Variants in CAPN5 observed in about 807,000 individuals in gnomAD.
CAPN5 encodes calpain 5.
A neutral mutation model predicts 73.0 loss-of-function variants in CAPN5; 54 were observed. The ratio of observed to expected loss-of-function variants is 0.74; its 90% CI spans 0.59 to 0.93. The LOEUF is 0.93. Among genes scored for constraint, CAPN5 ranks in the 40% least tolerant of loss-of-function variants. The pLI, the probability that CAPN5 is intolerant of heterozygous loss-of-function variation, is 0.00. For synonymous variants in CAPN5, 335 were observed against 356.9 expected (o/e 0.94, Z 0.69); for missense variants, 785 against 882.9 (o/e 0.89, Z 1.41).
In CAPN5 at chr11:77,114,408, G is replaced by A; in HGVS notation, c.673G>A (p.Gly225Ser). 6.2e-7 allele frequency: 1 copy of A among 1,614,188 alleles called. No homozygotes were observed. The highest frequency in any genetic ancestry group is 1.1e-5 in the South Asian group (1 of 91,088). ...FERMLKVHSRGGLISASIKAV... is the reference protein window; with the variant it reads ...FERMLKVHSRSGLISASIKAV... ...GCGCATGTTAAAGGTGCACAGCCGG[G>A]GCGGCCTCATCAGTGCCTCCATCAA... is the stretch of plus-strand genomic sequence containing the variant. The change falls in exon 5 of 13, where the codon GGC becomes AGC. Residue 225 changes from glycine to serine, a missense_variant. Physicochemically the swap from Gly to Ser is moderately conservative, Grantham distance 56 (BLOSUM62 0). Coordinates refer to ENST00000648180, the MANE Select transcript of CAPN5 (RefSeq NM_004055.5).
chr11:77,076,087 C>T (rs908370983), intron 1 of CAPN5, among the ~76,000 whole-genome samples: 6 of 152,142 alleles, frequency 3.9e-5, no homozygotes, highest in African/African-American at 9.7e-5. Context: ...CTCGGCCGGG[C>T]GCAGTAGCTC....
chr11:77,120,651 G>A, intron 9 of CAPN5, 62 bp from the exon 10 acceptor site: 1 of 1,132,012 alleles, frequency 8.8e-7, no homozygotes, highest in Non-Finnish European at 1.3e-6. Context: ...GGGGGAGGCG[G>A]GGTGGGCCAG....
At chr11:77,106,609 C>T (rs782520258) in intron 3 of CAPN5, among the ~76,000 whole-genome samples, 31 of 152,186 alleles carry the variant, frequency 2.0e-4, no homozygotes, top group Admixed American at 3.9e-4. Context: ...GCACCTCTCT[C>T]GAGGCTGTTG....
chr11:77,071,297 T>G lies in CAPN5; in HGVS notation c.-36+4203T>G, dbSNP rs148501269. Among the ~76,000 whole-genome samples, 114 of 152,266 alleles carry G rather than the reference T, an allele frequency of 7.5e-4. 1 individual carries two copies. Among genetic ancestry groups the G allele is most frequent in the African/African-American group, 2.7e-3 (113 of 41,548 alleles). ...CAGCCTGAGCCCCTGGTAGCCAGAGTTCAGGGATGTTTGGAAGAAGGGCAT... is the reference window on the plus strand; with the variant it reads ...CAGCCTGAGCCCCTGGTAGCCAGAGGTCAGGGATGTTTGGAAGAAGGGCAT... On this transcript the variant is annotated intron_variant, in intron 1 of 12. Coordinates refer to ENST00000648180, the MANE Select transcript of CAPN5 (RefSeq NM_004055.5).
intron 1 of CAPN5, among the ~76,000 whole-genome samples, chr11:77,081,074 A>C (rs139320459): frequency 5.3e-5 from 8 of 152,222 alleles, no homozygotes; most frequent in African/African-American, 1.9e-4. Context: ...CCTTCCCTGG[A>C]GATGATGGCC....
intron 1 of CAPN5, among the ~76,000 whole-genome samples, chr11:77,069,985 C>T (rs1330296262): frequency 6.6e-6 from 1 of 152,138 alleles, no homozygotes; most frequent in Non-Finnish European, 1.5e-5. Flanking sequence ...TTTCCCTGCT[C>T]ACCCAAGGCA....
At chr11:77,096,064 C>T (rs1950205891) in intron 3 of CAPN5, among the ~76,000 whole-genome samples, 1 of 152,210 alleles carries the variant, frequency 6.6e-6, no homozygotes, top group African/African-American at 2.4e-5. Context: ...TCCCTGTTGA[C>T]TGGGCTCTGT....
Position 77,120,764 on chromosome 11 carries a change from A to G in CAPN5, c.1342A>G (p.Ser448Gly). 1 of 1,613,966 alleles carries G rather than the reference A, an allele frequency of 6.2e-7. No homozygotes were observed. Among genetic ancestry groups the G allele is most frequent in the Non-Finnish European group, 8.5e-7 (1 of 1,179,958 alleles). ...RMHSLQHKAA[S>G]SIYINSRSVF... is the part of the protein sequence containing the mutation. ...GCACAGCCTGCAGCACAAGGCCGCC[A>G]GCTCCATCTACATCAACTCACGCAG... The change falls in exon 10 of 13, where the codon AGC (serine) becomes GGC (glycine). Residue 448 changes from serine to glycine, a missense_variant. Transcript: ENST00000648180.
At chr11:77,116,015 T>C (rs1480869536) in intron 6 of CAPN5, among the ~76,000 whole-genome samples, 1 of 152,036 alleles carries the variant, frequency 6.6e-6, no homozygotes, top group Non-Finnish European at 1.5e-5. Context: ...CCAGCCCCTG[T>C]CATGGTGGCA....
chr11:77,085,472 A>C (rs1950075914), intron 2 of CAPN5, among the ~76,000 whole-genome samples: 1 of 152,340 alleles, frequency 6.6e-6, no homozygotes, highest in Non-Finnish European at 1.5e-5. Flanking sequence ...TGTGGTAGAA[A>C]TGAAAAGTAT....
intron 5 of CAPN5, among the ~76,000 whole-genome samples, chr11:77,115,028 A>T (rs1950451531): frequency 6.6e-6 from 1 of 151,870 alleles, no homozygotes; most frequent in Admixed American, 6.6e-5. Flanking sequence ...GCGCCATTGC[A>T]CTCCAGCCTG....
chr11:77,092,279 A>G (rs1591123194), intron 2 of CAPN5, among the ~76,000 whole-genome samples: 4 of 152,226 alleles, frequency 2.6e-5, no homozygotes, highest in Non-Finnish European at 4.4e-5. Flanking sequence ...TGTTGTTTCT[A>G]TTATATAAAT....
chr11:77,083,258 G>C (rs1591115401), intron 1 of CAPN5, among the ~76,000 whole-genome samples: 1 of 152,168 alleles, frequency 6.6e-6, no homozygotes, highest in South Asian at 2.1e-4. Flanking sequence ...GCAGGTGGGG[G>C]GACAATGGCC....
chr11:77,067,287 C>T (rs1228223318), intron 1 of CAPN5, among the ~76,000 whole-genome samples, 193 bp downstream of exon 1: 2 of 151,998 alleles, frequency 1.3e-5, no homozygotes, highest in African/African-American at 4.8e-5. Flanking sequence ...GGAGCATCCG[C>T]CTGGGCCCCC....
chr11:77,116,226 C>T lies in CAPN5; in HGVS notation c.894C>T (p.Thr298=), dbSNP rs577452164. ...CTCCTCCCCGGCCCTGACACCCCAG[C>T]TCGGAGGAGTGGCAGAAAGTGAGCA... ...EREWNGPWSD[T]SEEWQKVSKS... The change falls in exon 7 of 13, where the codon ACC becomes ACT. Residue 298 remains threonine (T), a splice_region_variant and synonymous_variant. Coordinates refer to ENST00000648180, the MANE Select transcript of CAPN5 (RefSeq NM_004055.5). The T allele has an allele frequency of 6.2e-7, 1 of 1,611,224 alleles. No homozygotes were observed. Among genetic ancestry groups the T allele is most frequent in the African/African-American group, 1.3e-5 (1 of 75,020 alleles).
chr11:77,114,215 G>A, intron 4 of CAPN5, 27 bp from the exon 5 acceptor site: 2 of 1,607,456 alleles, frequency 1.2e-6, no homozygotes, highest in South Asian at 2.2e-5. Flanking sequence ...AGCATGAGCT[G>A]GGAAGTCTTT....
intron 2 of CAPN5, among the ~76,000 whole-genome samples, chr11:77,086,785 G>A (rs1198427649): frequency 3.9e-5 from 6 of 152,316 alleles, no homozygotes; most frequent in Non-Finnish European, 7.4e-5. Flanking sequence ...TTTTAGGTCC[G>A]TGGCTCCGAA....
chr11:77,122,014 T>C lies in CAPN5; in HGVS notation c.1568T>C (p.Val523Ala). 1 of 1,560,320 alleles carries C rather than the reference T, an allele frequency of 6.4e-7. No individual in the cohort carries two copies. The highest frequency in any genetic ancestry group is 1.9e-5 in the Admixed American group (1 of 53,226). ...GYPQLVTQVH[V>A]LGAAGLKDSP... is the part of the protein sequence containing the mutation. ...CCCCAGCTGGTGACCCAGGTACATG[T>C]CCTGGGAGCTGCTGGCCTCAAGGAC... Residue 523 changes from valine to alanine, a missense_variant, in exon 11 of 13, where the codon GTC becomes GCC. Val to Ala is a moderately conservative substitution (Grantham distance 64). Transcript: ENST00000648180.
At chr11:77,111,620 A>C (rs1950411184) in intron 3 of CAPN5, among the ~76,000 whole-genome samples, 1 of 152,240 alleles carries the variant, frequency 6.6e-6, no homozygotes, top group African/African-American at 2.4e-5. Flanking sequence ...ATGCATGTTT[A>C]CTAAACATAC....
Sources: allele counts gnomAD v4.1 joint callset (sites outside exome capture counted in the v4.1 genomes callset), GRCh38; gene constraint gnomAD v4.1.1; transcripts MANE v1.5; gene names NCBI Gene and HGNC (gene_info 2026-07-23, HGNC 2026-07-21).